The following CFH variants were observed in gnomAD, a reference collection of about 807,000 sequenced individuals.
The protein encoded by CFH is H factor 1 (complement).
In CFH, 53 loss-of-function variants were observed where a neutral mutation model predicts 147.3. The ratio of observed to expected loss-of-function variants is 0.36; its 90% CI spans 0.29 to 0.45. CFH has a LOEUF of 0.45. Ranked by LOEUF, CFH falls within the 20% of genes least tolerant of loss-of-function variation. The pLI is 1.00. For missense variants in CFH, 1,380 were observed against 1,498.0 expected (o/e 0.92, Z 1.30); for synonymous variants, 536 against 489.4 (o/e 1.10, Z -1.26).
At chr1:196,736,505 G>A (rs1053871666) in intron 15 of CFH, among the ~76,000 whole-genome samples, 6 of 151,414 alleles carry the variant, frequency 4.0e-5, no homozygotes, top group Non-Finnish European at 8.9e-5. Context: ...CATTCTAAAG[G>A]CTCAAAATAA....
rs1668850968 is a variant in CFH at position 196,715,588 on chromosome 1, A to G, written c.1520-5A>G. The G allele has an allele frequency of 6.2e-7, 1 of 1,607,022 alleles. No individual in the cohort carries two copies. The highest frequency in any genetic ancestry group is 8.5e-7 in the Non-Finnish European group (1 of 1,174,064). On this transcript the variant is annotated splice_polypyrimidine_tract_variant and splice_region_variant and intron_variant, in intron 10 of 21. Coordinates refer to ENST00000367429, the MANE Select transcript of CFH (RefSeq NM_000186.4). ...AAATGACATTCTAAATTTTTTATGCACTAGAATCTTGTGATATCCCAGTAT... is the reference window on the plus strand; with the variant it reads ...AAATGACATTCTAAATTTTTTATGCGCTAGAATCTTGTGATATCCCAGTAT...
chr1:196,724,263 C>T (rs1262337377), intron 11 of CFH, among the ~76,000 whole-genome samples: 1 of 151,828 alleles, frequency 6.6e-6, no homozygotes, highest in East Asian at 2.0e-4. Flanking sequence ...AATATTTGTG[C>T]GGCTCTGGTG....
intron 9 of CFH, among the ~76,000 whole-genome samples, chr1:196,713,187 C>T (rs1032475620): frequency 2.6e-5 from 4 of 152,110 alleles, no homozygotes; most frequent in African/African-American, 9.7e-5. Flanking sequence ...TTTGGCCTTT[C>T]AAGATAAATA....
At chr1:196,689,938 A>G (rs1667965874) in intron 8 of CFH, 125 bp from the exon 9 acceptor site, 1 of 1,135,876 alleles carries the variant, frequency 8.8e-7, no homozygotes, top group Non-Finnish European at 1.2e-6. Context: ...GTCTTCAGTT[A>G]TACATTATTT....
At chr1:196,744,379 T>C (rs1652930715) in intron 20 of CFH, among the ~76,000 whole-genome samples, 1 of 152,164 alleles carries the variant, frequency 6.6e-6, no homozygotes, top group Non-Finnish European at 1.5e-5. Flanking sequence ...TCTGCCTGTT[T>C]CCTCTGGGTT....
chr1:196,676,244 C>T (rs1050013120), intron 4 of CFH, among the ~76,000 whole-genome samples, 179 bp downstream of exon 4: 6 of 151,518 alleles, frequency 4.0e-5, no homozygotes, highest in Non-Finnish European at 7.4e-5. Flanking sequence ...TTTCAAAAGC[C>T]AAAAACGAAT....
chr1:196,672,395 T>C (rs149161709), intron 1 of CFH, among the ~76,000 whole-genome samples: 5 of 152,314 alleles, frequency 3.3e-5, no homozygotes, highest in East Asian at 1.9e-4. Context: ...TTGTTCCAAT[T>C]TGGAGTAGAA....
chr1:196,668,820 T>C (rs760588887), intron 1 of CFH, among the ~76,000 whole-genome samples: 4 of 152,208 alleles, frequency 2.6e-5, no homozygotes, highest in African/African-American at 7.2e-5. Context: ...TAATTCTTTA[T>C]AGCAGTGCAA....
intron 9 of CFH, among the ~76,000 whole-genome samples, chr1:196,711,717 A>G (rs1006957256): frequency 6.6e-6 from 1 of 151,984 alleles, no homozygotes; most frequent in African/African-American, 2.4e-5. Flanking sequence ...AGATGTTCAA[A>G]CGAGTCTTTC....
chr1:196,700,214 A>G (rs1357119632), intron 9 of CFH, among the ~76,000 whole-genome samples: 3 of 152,158 alleles, frequency 2.0e-5, no homozygotes, highest in East Asian at 3.9e-4. Context: ...AGAAAGCTTC[A>G]GTGAAATGGG....
intron 4 of CFH, among the ~76,000 whole-genome samples, chr1:196,676,662 A>C (rs945577306): frequency 6.6e-6 from 1 of 152,156 alleles, no homozygotes; most frequent in Non-Finnish European, 1.5e-5. Flanking sequence ...AATCAACCAG[A>C]GTAGTATTTC....
intron 9 of CFH, among the ~76,000 whole-genome samples, chr1:196,693,292 A>T (rs1047389073): frequency 6.6e-6 from 1 of 152,134 alleles, no homozygotes; most frequent in Non-Finnish European, 1.5e-5. Context: ...AGTCATTTAA[A>T]TAAAAAATTT....
intron 1 of CFH, among the ~76,000 whole-genome samples, chr1:196,663,547 T>C (rs1029834110): frequency 1.3e-5 from 2 of 152,244 alleles, no homozygotes; most frequent in African/African-American, 4.8e-5. Context: ...CAATATCAAA[T>C]ATCTATTTTG....
At chr1:196,738,004 C>T (rs962146779) in intron 17 of CFH, among the ~76,000 whole-genome samples, 1 of 151,992 alleles carries the variant, frequency 6.6e-6, no homozygotes, top group African/African-American at 2.4e-5. Context: ...CTGAGGAGGT[C>T]TTAGGAAACT....
Position 196,737,503 on chromosome 1 carries a change from G to C in CFH, c.2625G>C (p.Gln875His). 4 of 1,613,024 alleles carry C rather than the reference G, an allele frequency of 2.5e-6. No homozygotes were observed. The highest frequency in any genetic ancestry group is 3.4e-6 in the Non-Finnish European group (4 of 1,179,384). ...AAATTCCATGTTCACAACCACCTCA[G>C]ATAGAACACGGAACCATTAATTCAT... ...VEKIPCSQPPQIEHGTINSSR... is the reference protein window; with the variant it reads ...VEKIPCSQPPHIEHGTINSSR... Residue 875 changes from glutamine (Q) to histidine (H), a missense_variant, in exon 17 of 22, where the codon CAG (glutamine) becomes CAC (histidine). Around this residue, in one of 4 missense-constraint regions of CFH, gnomAD observed 830 missense variants for 821.4 expected, o/e 1.01. Transcript: ENST00000367429.
chr1:196,746,149 A>C, intron 21 of CFH, 150 bp downstream of exon 21: 4 of 1,471,140 alleles, frequency 2.7e-6, no homozygotes, highest in Non-Finnish European at 3.7e-6. Flanking sequence ...AAAGTTTAGA[A>C]ATTTTTCTCT....
At chr1:196,677,855 A>G (rs1667511637) in intron 5 of CFH, 188 bp downstream of exon 5, 1 of 589,966 alleles carries the variant, frequency 1.7e-6, no homozygotes, top group Non-Finnish European at 3.0e-6. Flanking sequence ...AAAAAACTCC[A>G]TGATTTACTT....
At position 196,685,071 on chromosome 1, in the gene CFH, A is replaced by G. The variant is rs1241367940; in HGVS notation, c.798A>G (p.Ser266=). Residue 266 remains serine (S), a synonymous_variant, in exon 7 of 22, where the codon TCA becomes TCG. Coordinates refer to ENST00000367429, the MANE Select transcript of CFH (RefSeq NM_000186.4). ...TATCCTTTTTCTTTTCAGAAAAATC[A>G]TGTGATAATCCTTATATTCCAAATG... The part of the protein sequence containing the change: ...WRPLPSCEEK[S]CDNPYIPNGD... 6.2e-7 allele frequency: 1 copy of G among 1,607,704 alleles called. No individual in the cohort carries two copies. Among genetic ancestry groups the G allele is most frequent in the Admixed American group, 1.7e-5 (1 of 59,848 alleles).
chr1:196,701,218 C>G (rs1668438956), intron 9 of CFH: 2 of 1,543,448 alleles, frequency 1.3e-6, no homozygotes, highest in Admixed American at 1.7e-5. Context: ...GGGAACTCTT[C>G]TTGTTTGGTC....
Sources: allele counts gnomAD v4.1 joint callset (sites outside exome capture counted in the v4.1 genomes callset), GRCh38; gene constraint gnomAD v4.1.1; regional missense constraint gnomAD v4.1.1; transcripts MANE v1.5; gene names NCBI Gene and HGNC (gene_info 2026-07-23, HGNC 2026-07-21).